CRPPA: variants seen among roughly 807,000 people sequenced by gnomAD.
The protein encoded by CRPPA is D-ribitol-5-phosphate cytidylyltransferase.
CRPPA carries 43 observed loss-of-function variants against 52.0 expected under a neutral mutation model. The observed-to-expected ratio is 0.83, with a 90% CI of 0.65 to 1.07. The LOEUF is 1.07. CRPPA is among the 50% of genes least tolerant of loss of function. CRPPA has a pLI of 0.00. For synonymous variants in CRPPA, 250 were observed against 203.5 expected (o/e 1.23, Z -1.94); for missense variants, 629 against 551.7 (o/e 1.14, Z -1.40).
At chr7:16,374,777 A>AC (rs1038496365) in intron 3 of CRPPA, among the ~76,000 whole-genome samples, 6 of 151,888 alleles carry the variant, frequency 4.0e-5, no homozygotes, top group South Asian at 2.1e-4. Flanking sequence ...CTGTGGAATC[A>AC]CCCCCATCAG....
At chr7:16,385,287 T>A (rs1388401537) in intron 2 of CRPPA, among the ~76,000 whole-genome samples, 2 of 150,786 alleles carry the variant, frequency 1.3e-5, no homozygotes, top group Admixed American at 6.6e-5. Context: ...AAAGGAAAAA[T>A]TAGTCTTCAA....
chr7:16,393,805 C>T (rs920569626), intron 2 of CRPPA, among the ~76,000 whole-genome samples: 2 of 151,928 alleles, frequency 1.3e-5, no homozygotes, highest in African/African-American at 4.8e-5. Context: ...AGTTATAAAA[C>T]ACAGCATGCA....
chr7:16,348,622 A>G (rs1045705173), intron 3 of CRPPA, among the ~76,000 whole-genome samples: 3 of 152,214 alleles, frequency 2.0e-5, no homozygotes, highest in Non-Finnish European at 4.4e-5. Context: ...AACAGTGCAG[A>G]AAAAAACTCT....
chr7:16,262,780 A>G (rs1244261556), intron 6 of CRPPA, among the ~76,000 whole-genome samples: 1 of 152,192 alleles, frequency 6.6e-6, no homozygotes, highest in Non-Finnish European at 1.5e-5. Flanking sequence ...TTAATGAATC[A>G]ACTTTTGCCC....
At chr7:16,173,589 C>A (rs1213598791) in intron 9 of CRPPA, among the ~76,000 whole-genome samples, 1 of 151,776 alleles carries the variant, frequency 6.6e-6, no homozygotes, top group African/African-American at 2.4e-5. Flanking sequence ...AACAAGATGC[C>A]CAATAAAACA....
At chr7:16,196,255 T>A (rs1009236785) in intron 9 of CRPPA, among the ~76,000 whole-genome samples, 1 of 152,130 alleles carries the variant, frequency 6.6e-6, no homozygotes, top group African/African-American at 2.4e-5. Flanking sequence ...TGAAGTTAGT[T>A]GAGTTTCTGG....
At chr7:16,356,912 C>A (rs1786309352) in intron 3 of CRPPA, among the ~76,000 whole-genome samples, 1 of 152,094 alleles carries the variant, frequency 6.6e-6, no homozygotes, top group Non-Finnish European at 1.5e-5. Flanking sequence ...TTGAGTGTGT[C>A]CTGAGAAGTG....
chr7:16,294,989 G>C (rs74700376), intron 5 of CRPPA, among the ~76,000 whole-genome samples: 4 of 152,034 alleles, frequency 2.6e-5, no homozygotes. Flanking sequence ...CAAGGGACTA[G>C]TTTCTGCATA....
At chr7:16,315,787 C>G (rs975238717) in intron 3 of CRPPA, among the ~76,000 whole-genome samples, 3 of 152,060 alleles carry the variant, frequency 2.0e-5, no homozygotes, top group African/African-American at 7.2e-5. Context: ...TACTGAGTCT[C>G]TAGCAATTCT....
intron 9 of CRPPA, among the ~76,000 whole-genome samples, chr7:16,160,028 T>C (rs529511113): frequency 3.8e-4 from 58 of 152,338 alleles, no homozygotes; most frequent in Middle Eastern, 6.8e-3. Flanking sequence ...TGTTTTTTTT[T>C]CTTGTAAATT....
chr7:16,342,634 G>T (rs570585506), intron 3 of CRPPA, among the ~76,000 whole-genome samples: 1 of 150,428 alleles, frequency 6.6e-6, no homozygotes, highest in East Asian at 2.0e-4. Flanking sequence ...CATGCACAAG[G>T]CCGGGCACAG....
intron 2 of CRPPA, among the ~76,000 whole-genome samples, chr7:16,384,284 T>G (rs1046842220): frequency 1.3e-5 from 2 of 152,160 alleles, no homozygotes; most frequent in Non-Finnish European, 1.5e-5. Context: ...AATTCAAACC[T>G]AAGTGTACTC....
At chr7:16,121,937 C>G (rs1445699947) in intron 9 of CRPPA, among the ~76,000 whole-genome samples, 2 of 152,050 alleles carry the variant, frequency 1.3e-5, no homozygotes, top group East Asian at 3.8e-4. Flanking sequence ...GACATGTTTT[C>G]AGTGAGGTGT....
intron 8 of CRPPA, among the ~76,000 whole-genome samples, chr7:16,242,850 T>A (rs1261954073): frequency 6.6e-6 from 1 of 152,114 alleles, no homozygotes; most frequent in Non-Finnish European, 1.5e-5. Flanking sequence ...TTCTAAAAGC[T>A]CACAGTTAAA....
chr7:16,255,487 A>G (rs564595662), intron 8 of CRPPA, among the ~76,000 whole-genome samples: 1 of 152,334 alleles, frequency 6.6e-6, no homozygotes, highest in African/African-American at 2.4e-5. Flanking sequence ...TTGCCAAGAC[A>G]ATCCTAAGCA....
intron 9 of CRPPA, among the ~76,000 whole-genome samples, chr7:16,128,270 A>C (rs1782617951): frequency 6.6e-6 from 1 of 152,158 alleles, no homozygotes; most frequent in African/African-American, 2.4e-5. Context: ...CCTTAAAATA[A>C]AACTTGAAAA....
intron 3 of CRPPA, among the ~76,000 whole-genome samples, chr7:16,316,661 A>G (rs528454641): frequency 5.4e-4 from 82 of 152,236 alleles, no homozygotes; most frequent in Admixed American, 5.4e-3. Flanking sequence ...CAGGAGTTCA[A>G]GACCAGCCTG....
intron 9 of CRPPA, among the ~76,000 whole-genome samples, chr7:16,177,208 G>C (rs957735494): frequency 3.3e-5 from 5 of 152,034 alleles, no homozygotes; most frequent in Admixed American, 3.3e-4. Context: ...TGGAGGAACT[G>C]TTTTGTACCC....
At chr7:16,149,716 G>A (rs1269166609) in intron 9 of CRPPA, among the ~76,000 whole-genome samples, 3 of 152,028 alleles carry the variant, frequency 2.0e-5, no homozygotes, top group African/African-American at 7.2e-5. Context: ...CCAGGAGCGG[G>A]GGCTCACGCC....
Sources: allele counts gnomAD v4.1 joint callset (sites outside exome capture counted in the v4.1 genomes callset), GRCh38; gene constraint gnomAD v4.1.1; transcripts MANE v1.5; gene names NCBI Gene and HGNC (gene_info 2026-07-23, HGNC 2026-07-21).